Variants in PSMC2 observed in about 807,000 individuals in gnomAD.
The protein encoded by PSMC2 is 26S proteasome regulatory subunit 7.
Under a neutral mutation model 53.3 loss-of-function variants are expected in PSMC2, and 7 were observed. The observed-to-expected ratio is 0.13, with a 90% CI of 0.07 to 0.25. The LOEUF (loss-of-function observed/expected upper bound fraction) is 0.25, where lower values mean the gene tolerates loss of function less well. Among genes scored for constraint, PSMC2 ranks in the 10% least tolerant of loss-of-function variants. The pLI, the probability that PSMC2 is intolerant of heterozygous loss-of-function variation, is 1.00. For synonymous variants in PSMC2, 169 were observed against 183.9 expected, an observed-to-expected ratio of 0.92 and a Z score of 0.66; for missense variants, 241 against 544.0, an observed-to-expected ratio of 0.44 and a Z score of 5.54.
At chr7:103,360,401 A>C (rs1049519213) in intron 4 of PSMC2, among the ~76,000 whole-genome samples, 1 of 151,930 alleles carries the variant, frequency 6.6e-6, no homozygotes, top group African/African-American at 2.4e-5. Flanking sequence ...CTTCTTCCCT[A>C]GCAAACATGG....
Position 103,364,958 on chromosome 7 carries a change from C to CATATATATATATATATATAT in PSMC2, c.756+658_756+677dup, listed in dbSNP as rs59914167. Reference sequence around the variant, plus strand: ...GGTTGTTTTTATGTTTGTAGACATACATATATATATATATATATATATATA... The same window carrying CATATATATATATATATATAT: ...GGTTGTTTTTATGTTTGTAGACATACATATATATATATATATATATATATATATATATATATATATATATA... On this transcript the variant is annotated intron_variant, in intron 8 of 11. Coordinates refer to ENST00000292644, the MANE Select transcript of PSMC2 (RefSeq NM_002803.4). Among the ~76,000 whole-genome samples the CATATATATATATATATATAT allele has an allele frequency of 7.3e-3, 908 of 125,230 alleles. 10 individuals carry two copies. Among genetic ancestry groups the CATATATATATATATATATAT allele is most frequent in the Admixed American group, 0.02 (244 of 11,950 alleles). The allele number at this position is 125,230 out of a possible 152,430, so 82.2% of individuals were successfully genotyped here. A position where few individuals can be genotyped will look rare whatever the true frequency, so the allele number is the denominator to read the frequency against.
At chr7:103,366,462 A>G (rs754356444) in intron 9 of PSMC2, among the ~76,000 whole-genome samples, 1 of 152,208 alleles carries the variant, frequency 6.6e-6, no homozygotes, top group Non-Finnish European at 1.5e-5. Flanking sequence ...TGGCTTTTGA[A>G]GTACTTGCAT....
intron 4 of PSMC2, among the ~76,000 whole-genome samples, chr7:103,358,883 G>A (rs1384460031): frequency 6.6e-6 from 1 of 151,950 alleles, no homozygotes; most frequent in Non-Finnish European, 1.5e-5. Context: ...AGGCCTTAAA[G>A]AAAGCAAAGA....
Position 103,369,373 on chromosome 7 carries a change from TA to T in PSMC2, c.*1322del, listed in dbSNP as rs1820894336. 1 of 152,232 alleles carries T rather than the reference TA, an allele frequency of 6.6e-6. No individual in the cohort carries two copies. The highest frequency in any genetic ancestry group is 1.5e-5 in the Non-Finnish European group (1 of 68,032). 9.4% of individuals were successfully genotyped at this position (152,232 alleles called of 1,614,324 possible). A position where few individuals can be genotyped will look rare whatever the true frequency, so the allele number is the denominator to read the frequency against. ...TATGTTTTTGAATGTTTTGATTAAA[TA>T]AATGTACACATTTAGAACACACTCT... On this transcript the variant is annotated 3_prime_UTR_variant, in exon 12 of 12. Transcript: ENST00000292644.
At chr7:103,364,967 A>G (rs1205584726) in intron 8 of PSMC2, among the ~76,000 whole-genome samples, 11 of 141,680 alleles carry the variant, frequency 7.8e-5, no homozygotes, top group Non-Finnish European at 1.4e-4. Flanking sequence ...ACATATATAT[A>G]TATATATATA....
chr7:103,368,153 G>T lies in PSMC2; in HGVS notation c.*99G>T, dbSNP rs1163990459. The T allele has an allele frequency of 1.8e-6, 2 of 1,081,746 alleles. No homozygotes were observed. Among genetic ancestry groups the T allele is most frequent in the Non-Finnish European group, 2.6e-6 (2 of 777,284 alleles). The allele number at this position is 1,081,746 out of a possible 1,614,324, so 67.0% of individuals were successfully genotyped here. ...TAAACAAATAAATGGCTTCAAAATTGTATGCTTTTTTCCATATCTCTTCTT... is the reference window on the plus strand; with the variant it reads ...TAAACAAATAAATGGCTTCAAAATTTTATGCTTTTTTCCATATCTCTTCTT... On this transcript the variant is annotated 3_prime_UTR_variant, in exon 12 of 12. Coordinates refer to ENST00000292644, the MANE Select transcript of PSMC2 (RefSeq NM_002803.4).
At chr7:103,363,690 C>T in intron 7 of PSMC2, among the ~76,000 whole-genome samples, 1 of 151,972 alleles carries the variant, frequency 6.6e-6, no homozygotes, top group South Asian at 2.1e-4. Context: ...ACAGTGTAAC[C>T]TTTAGCAATA....
intron 4 of PSMC2, among the ~76,000 whole-genome samples, chr7:103,356,533 G>A (rs990998895): frequency 5.3e-5 from 8 of 152,156 alleles, no homozygotes; most frequent in Non-Finnish European, 1.0e-4. Flanking sequence ...TTTGCCATTT[G>A]AGGGAAAATA....
chr7:103,349,105 T>A (rs1819670990), intron 1 of PSMC2, among the ~76,000 whole-genome samples: 1 of 152,202 alleles, frequency 6.6e-6, no homozygotes, highest in Non-Finnish European at 1.5e-5. Context: ...TATTTTTAAA[T>A]GTTCTTTTGG....
chr7:103,351,136 C>T (rs1048671194), intron 1 of PSMC2, among the ~76,000 whole-genome samples: 1 of 152,162 alleles, frequency 6.6e-6, no homozygotes. Context: ...GATTTATCTC[C>T]GCCTTTTAGA....
chr7:103,362,461 C>G, intron 5 of PSMC2: 1 of 1,375,620 alleles, frequency 7.3e-7, no homozygotes, highest in Non-Finnish European at 9.4e-7. Flanking sequence ...AAAATCTCCC[C>G]TCCCTCCTCA....
rs888745341 is a variant in PSMC2, at chr7:103,363,551, G to GT, written c.591+118dup. ...GCTTTTAATATTTTCCCTAATGAGAGTTTTTTGAGAGGGTGGAGAGAGGAG... is the reference window on the plus strand; with the variant it reads ...GCTTTTAATATTTTCCCTAATGAGAGTTTTTTTGAGAGGGTGGAGAGAGGAG... On this transcript the variant is annotated intron_variant, in intron 7 of 11. Transcript: ENST00000292644. 22 of 947,270 alleles carry GT rather than the reference G, an allele frequency of 2.3e-5. No individual in the cohort carries two copies. The African/African-American group carries it at 3.1e-4, about 13-fold the overall frequency. 58.7% of individuals were successfully genotyped at this position (947,270 alleles called of 1,614,324 possible).
intron 1 of PSMC2, chr7:103,352,855 A>G (rs1466060002): frequency 1.3e-6 from 1 of 780,754 alleles, no homozygotes; most frequent in African/African-American, 1.7e-5. Context: ...ACCTGGCCCC[A>G]AAGCCTGAAC....
At chr7:103,353,785 T>C in intron 1 of PSMC2, 136 bp from the exon 2 acceptor site, 2 of 727,246 alleles carry the variant, frequency 2.8e-6, no homozygotes, top group Non-Finnish European at 4.6e-6. Context: ...TGAATATGTA[T>C]CATCATAATC....
At chr7:103,356,864 TCTC>T (rs1409490064) in intron 4 of PSMC2, among the ~76,000 whole-genome samples, 4 of 152,192 alleles carry the variant, frequency 2.6e-5, no homozygotes, top group Admixed American at 6.5e-5. Flanking sequence ...ATAAACATAT[TCTC>T]CTCTGTTTAT....
chr7:103,356,438 C>T (rs1199360697), intron 4 of PSMC2, among the ~76,000 whole-genome samples: 1 of 152,118 alleles, frequency 6.6e-6, no homozygotes, highest in Non-Finnish European at 1.5e-5. Flanking sequence ...TTACTTTGGC[C>T]AGTTTATACT....
chr7:103,355,268 A>C (rs547961302), intron 3 of PSMC2, among the ~76,000 whole-genome samples: 1 of 152,050 alleles, frequency 6.6e-6, no homozygotes, highest in African/African-American at 2.4e-5. Context: ...ATCTCACAAC[A>C]TAGTTTTGCT....
intron 1 of PSMC2, among the ~76,000 whole-genome samples, chr7:103,351,279 T>C (rs1172491628): frequency 6.6e-6 from 1 of 152,130 alleles, no homozygotes; most frequent in East Asian, 1.9e-4. Flanking sequence ...AGTGAAAGGA[T>C]ACAAAGCAAA....
intron 5 of PSMC2, chr7:103,362,401 G>T (rs1215424751): frequency 5.2e-6 from 7 of 1,335,266 alleles, no homozygotes; most frequent in Non-Finnish European, 6.7e-6. Flanking sequence ...GTGATGCTAA[G>T]TGTGTTAATG....
Sources: allele counts gnomAD v4.1 joint callset (sites outside exome capture counted in the v4.1 genomes callset), GRCh38; gene constraint gnomAD v4.1.1; transcripts MANE v1.5; gene names NCBI Gene and HGNC (gene_info 2026-07-23, HGNC 2026-07-21).